SUSD5: variants seen among roughly 807,000 people sequenced by gnomAD.
SUSD5 encodes sushi domain containing 5, also known as sushi domain-containing protein 5.
Under a neutral mutation model 29.5 loss-of-function variants are expected in SUSD5, and 33 were observed. The observed-to-expected ratio is 1.12, with a 90% CI of 0.85 to 1.49. The LOEUF is 1.49. Among genes scored for constraint, SUSD5 ranks in the 40% most tolerant of loss-of-function variants. The pLI is 0.00. For synonymous variants in SUSD5, 308 were observed against 325.3 expected, an observed-to-expected ratio of 0.95 and a Z score of 0.57; for missense variants, 776 against 800.6, an observed-to-expected ratio of 0.97 and a Z score of 0.37.
rs774020468 is a variant in SUSD5 at position 33,153,633 on chromosome 3, T to A, written c.999A>T (p.Glu333Asp). The A allele has an allele frequency of 4.1e-5, 66 of 1,613,832 alleles. No homozygotes were observed. In the South Asian group the frequency reaches 6.7e-4, roughly 16 times the overall value. Reference sequence around the variant, plus strand: ...TGCCGTAGATCACCTTGGTTTCAGGTTCACCTGGGACCAATTTTACACCAC... The same window carrying A: ...TGCCGTAGATCACCTTGGTTTCAGGATCACCTGGGACCAATTTTACACCAC... The part of the protein sequence containing the change: ...NHSGVKLVPG[E>D]PETKVIYGNT... The change falls in exon 5 of 5, where the codon GAA (glutamate) becomes GAT (aspartate). Residue 333 changes from glutamate to aspartate, a missense_variant. By Grantham distance (45) the Glu-to-Asp change is conservative. Transcript: ENST00000309558.
intron 1 of SUSD5, among the ~76,000 whole-genome samples, chr3:33,218,449 G>A (rs2032463674): frequency 1.3e-5 from 2 of 152,224 alleles, no homozygotes; most frequent in Non-Finnish European, 2.9e-5. Context: ...CGGGACCTAC[G>A]CGCTCGGCGC....
intron 1 of SUSD5, among the ~76,000 whole-genome samples, chr3:33,217,712 C>G (rs1196002183): frequency 6.7e-6 from 1 of 149,698 alleles, no homozygotes; most frequent in African/African-American, 2.5e-5. Context: ...TTCCCCATGT[C>G]TTCTAGTTTC....
At position 33,173,309 on chromosome 3, in the gene SUSD5, T is replaced by A. The variant is rs375340035; in HGVS notation, c.598+1577A>T. Among the ~76,000 whole-genome samples, 8 of 152,296 alleles carry A rather than the reference T, an allele frequency of 5.3e-5. 1 individual carries two copies. Among genetic ancestry groups the A allele is most frequent in the African/African-American group, 1.9e-4 (8 of 41,562 alleles). ...CTGGGCAAATACTTTAGAGAACACT[T>A]TGGCAGCATCAGCTGCAGCTGAACA... On this transcript the variant is annotated intron_variant, in intron 4 of 4. Transcript: ENST00000309558.
Position 33,153,159 on chromosome 3 carries a change from G to A in SUSD5, c.1473C>T (p.Thr491=), listed in dbSNP as rs9867711. 6.2e-7 allele frequency: 1 copy of A among 1,613,812 alleles called. No individual in the cohort carries two copies. Among genetic ancestry groups the A allele is most frequent in the East Asian group, 2.2e-5 (1 of 44,850 alleles). Residue 491 remains threonine (T), a synonymous_variant, in exon 5 of 5, where the codon ACC becomes ACT. Coordinates refer to ENST00000309558, the MANE Select transcript of SUSD5 (RefSeq NM_015551.2). ...SPMATLSYEL[T]SSTLEILTVN... is the part of the protein sequence containing the mutation. ...CTGTTAATATCTCCAGGGTGGAGCT[G>A]GTGAGCTCATAGGACAGGGTGGCCA...
chr3:33,155,548 C>T (rs1458718230), intron 4 of SUSD5, among the ~76,000 whole-genome samples: 3 of 152,218 alleles, frequency 2.0e-5, no homozygotes, highest in Admixed American at 1.3e-4. Context: ...AGCAATTCCA[C>T]TCCTAAATAT....
In SUSD5 at chr3:33,174,944, G is replaced by A; in HGVS notation, c.540C>T (p.Phe180=). 1 of 1,614,048 alleles carries A rather than the reference G, an allele frequency of 6.2e-7. No individual in the cohort carries two copies. The highest frequency in any genetic ancestry group is 2.2e-5 in the East Asian group (1 of 44,882). Residue 180 remains phenylalanine, a synonymous_variant, in exon 4 of 5, where the codon TTC becomes TTT. Transcript: ENST00000309558. The part of the protein sequence containing the change: ...GHIMGHRETA[F]TLLCNSCGEW... ...CCCCACAGCTGTTACATAGCAAGGTGAAGGCGGTCTCCCGGTGGCCCATGA... is the reference window on the plus strand; with the variant it reads ...CCCCACAGCTGTTACATAGCAAGGTAAAGGCGGTCTCCCGGTGGCCCATGA...
intron 3 of SUSD5, among the ~76,000 whole-genome samples, chr3:33,175,663 T>G (rs1208072320): frequency 2.0e-5 from 3 of 152,070 alleles, no homozygotes; most frequent in Admixed American, 2.0e-4. Flanking sequence ...ATCGTATGTA[T>G]TATTGAGTAC....
chr3:33,181,356 T>C (rs2031669549), intron 3 of SUSD5, among the ~76,000 whole-genome samples: 1 of 135,726 alleles, frequency 7.4e-6, no homozygotes, highest in Non-Finnish European at 1.6e-5. Flanking sequence ...ATTTTCATCT[T>C]TTTTTTTTTT....
rs1454651602 is a variant in SUSD5, at chr3:33,175,076, T to C, written c.410-2A>G. 6.2e-7 allele frequency: 1 copy of C among 1,613,718 alleles called. No individual in the cohort carries two copies. Among genetic ancestry groups the C allele is most frequent in the Non-Finnish European group, 8.5e-7 (1 of 1,179,752 alleles). ...AAGGCGGGTCTCCACACGGCTTCTC[T>C]GAGGAGAAGGAATCACAGTTAGCTT... On this transcript the variant is annotated splice_acceptor_variant, in intron 3 of 4. Coordinates refer to ENST00000309558, the MANE Select transcript of SUSD5 (RefSeq NM_015551.2). LOFTEE classifies it high-confidence loss of function.
chr3:33,190,280 CCTT>C (rs2031865293), intron 3 of SUSD5: 1 of 163,748 alleles, frequency 6.1e-6, no homozygotes, highest in Admixed American at 6.4e-5. Flanking sequence ...GCCCTTTCTG[CCTT>C]CTTCTTAATG....
chr3:33,175,168 G>T, intron 3 of SUSD5, 94 bp from the exon 4 acceptor site: 17 of 1,333,760 alleles, frequency 1.3e-5, no homozygotes, highest in Non-Finnish European at 1.8e-5. Context: ...CTCCCCTGCC[G>T]CCCACCGTAC....
Position 33,153,479 on chromosome 3 carries a change from CTG to C in SUSD5, c.1151_1152del (p.Thr384ArgfsTer19). On this transcript the variant is annotated frameshift_variant, in exon 5 of 5. Coordinates refer to ENST00000309558, the MANE Select transcript of SUSD5 (RefSeq NM_015551.2). LOFTEE classifies it low-confidence loss of function (END_TRUNC). The stretch of plus-strand genomic sequence containing the variant: ...TCCCCATCTTCTTCCTCTTCTGCCT[CTG>C]TCTTCCTCCAAGCCCCCTCTGTCAC... ...YPVTEGAWRK[T>X]EAEEEEDGDR... The C allele has an allele frequency of 6.2e-7, 1 of 1,614,134 alleles. No homozygotes were observed. The highest frequency in any genetic ancestry group is 8.5e-7 in the Non-Finnish European group (1 of 1,180,004).
intron 2 of SUSD5, 119 bp from the exon 3 acceptor site, chr3:33,208,045 T>C: frequency 1.4e-6 from 1 of 705,394 alleles, no homozygotes; most frequent in African/African-American, 1.8e-5. Context: ...ATGAGCTCTG[T>C]CTGAAAGCAT....
rs191175875 is a variant in SUSD5, at chr3:33,206,288, C to T, written c.409+1520G>A. On this transcript the variant is annotated intron_variant, in intron 3 of 4. Coordinates refer to ENST00000309558, the MANE Select transcript of SUSD5 (RefSeq NM_015551.2). ...ACTCAGGAGGCTGAGGCAGGAGAAT[C>T]GCATGAACCCAGAAGGTGGAGGCTG... Among the ~76,000 whole-genome samples the T allele has an allele frequency of 4.4e-3, 666 of 152,024 alleles. 6 individuals are homozygous for T. The highest frequency in any genetic ancestry group is 0.015 in the African/African-American group (632 of 41,468).
intron 3 of SUSD5, among the ~76,000 whole-genome samples, chr3:33,206,405 T>G (rs879377228): frequency 8.2e-6 from 1 of 121,428 alleles, no homozygotes; most frequent in Admixed American, 9.7e-5. Context: ...AATAAAAAAT[T>G]TACTTGAGTG....
chr3:33,204,627 A>ATTTTGTTTTG lies in SUSD5; in HGVS notation c.409+3171_409+3180dup, dbSNP rs72112093. Among the ~76,000 whole-genome samples the ATTTTGTTTTG allele has an allele frequency of 6.6e-3, 982 of 147,932 alleles. 8 individuals are homozygous for ATTTTGTTTTG. The highest frequency in any genetic ancestry group is 0.025 in the South Asian group (112 of 4,536). On this transcript the variant is annotated intron_variant, in intron 3 of 4. Transcript: ENST00000309558. The surrounding 1 kb of genome is among the most constrained non-coding windows in gnomAD (Gnocchi z 4.5). ...TGAGCCACCACACCCGGCCTGTTTT[A>ATTTTGTTTTG]TTTTGTTTTGTTTTGTTTTGTTTTG...
intron 4 of SUSD5, among the ~76,000 whole-genome samples, chr3:33,174,654 T>A (rs1042463912): frequency 6.6e-6 from 1 of 152,222 alleles, no homozygotes; most frequent in African/African-American, 2.4e-5. Flanking sequence ...TTTTAACTTG[T>A]TAACCCTTTA....
chr3:33,207,898 C>T lies in SUSD5; in HGVS notation c.319G>A (p.Glu107Lys). The T allele has an allele frequency of 6.2e-7, 1 of 1,613,828 alleles. No homozygotes were observed. Among genetic ancestry groups the T allele is most frequent in the Non-Finnish European group, 8.5e-7 (1 of 1,179,806 alleles). Residue 107 changes from glutamate to lysine, a missense_variant, in exon 3 of 5, where the codon GAA becomes AAA. Physicochemically the swap from Glu to Lys is moderately conservative, Grantham distance 56 (BLOSUM62 1). Coordinates refer to ENST00000309558, the MANE Select transcript of SUSD5 (RefSeq NM_015551.2). ...TCGACAGCTCTCATGATTTGCTGTT[C>T]TCCACTTCCTTTGCTACACACAGTT... ...GTTVCSKGSG[E>K]QQIMRAVDVR...
At chr3:33,173,893 C>A (rs935904473) in intron 4 of SUSD5, among the ~76,000 whole-genome samples, 3 of 152,188 alleles carry the variant, frequency 2.0e-5, no homozygotes, top group Non-Finnish European at 2.9e-5. Context: ...CTGGCTGCTG[C>A]GTCCCTGTTG....
Sources: allele counts gnomAD v4.1 joint callset (sites outside exome capture counted in the v4.1 genomes callset), GRCh38; gene constraint gnomAD v4.1.1; non-coding constraint Gnocchi (gnomAD v3.1); transcripts MANE v1.5; gene names NCBI Gene and HGNC (gene_info 2026-07-23, HGNC 2026-07-21).